The following THBS2 variants were observed in gnomAD, a reference collection of about 807,000 sequenced individuals.
THBS2 encodes thrombospondin 2, also known as thrombospondin-2.
In THBS2, 47 loss-of-function variants were observed where a neutral mutation model predicts 135.2. The observed-to-expected ratio is 0.35, with a 90% confidence interval of 0.28 to 0.44. THBS2 has a LOEUF of 0.44. Among genes scored for constraint, THBS2 ranks in the 20% least tolerant of loss-of-function variants. The probability of loss-of-function intolerance (pLI) is 1.00; values close to 1 mark genes in which losing one functional copy is unlikely to be tolerated. For missense variants in THBS2, 1,288 were observed against 1,603.1 expected (o/e 0.80, Z 3.36); for synonymous variants, 639 against 633.8 (o/e 1.01, Z -0.12).
chr6:169,245,598 T>C (rs144190188), intron 4 of THBS2, among the ~76,000 whole-genome samples: 4,579 of 152,036 alleles, frequency 0.03, 78 homozygotes, highest in South Asian at 0.046. Flanking sequence ...CGAGACCATC[T>C]TGGCTAACAC....
At position 169,225,215 on chromosome 6, in the gene THBS2, G is replaced by C; in HGVS notation, c.2703C>G (p.Asp901Glu). Residue 901 changes from aspartate to glutamate, a missense_variant, in exon 17 of 22, where the codon GAC becomes GAG. Asp to Glu is a conservative substitution (Grantham distance 45). Transcript: ENST00000617924. ...CCCTGTCATCGGGGACGCCATCGTT[G>C]TCATCATCAGGGTCACAGGCGTCGC... ...GQGDACDPDD[D>E]NDGVPDDRDN... 6.2e-7 allele frequency: 1 copy of C among 1,614,194 alleles called. No individual in the cohort carries two copies. The highest frequency in any genetic ancestry group is 8.5e-7 in the Non-Finnish European group (1 of 1,180,026).
intron 20 of THBS2, among the ~76,000 whole-genome samples, chr6:169,220,879 A>T (rs964757285): frequency 6.6e-6 from 1 of 152,116 alleles, no homozygotes; most frequent in East Asian, 1.9e-4. Flanking sequence ...ATTGCCAGGG[A>T]CTCACACACT....
chr6:169,250,464 C>T (rs1482198189), intron 2 of THBS2, among the ~76,000 whole-genome samples: 1 of 152,178 alleles, frequency 6.6e-6, no homozygotes, highest in African/African-American at 2.4e-5. Context: ...CAAATACTTG[C>T]AGTGTTGTGA....
intron 3 of THBS2, among the ~76,000 whole-genome samples, chr6:169,247,478 CAT>C (rs1780590410): frequency 6.6e-6 from 1 of 151,784 alleles, no homozygotes; most frequent in South Asian, 2.1e-4. Context: ...TGTGTGTGTA[CAT>C]GTGTGGTTCT....
At position 169,237,610 on chromosome 6, in the gene THBS2, C is replaced by T; in HGVS notation, c.1300+15G>A. 6.2e-7 allele frequency: 1 copy of T among 1,611,500 alleles called. No homozygotes were observed. The highest frequency in any genetic ancestry group is 1.3e-5 in the African/African-American group (1 of 75,036). ...ACCCCCACAGGCACGCGGGTGTCAC[C>T]TGCCCGACACTCACTGCGGGTGTCA... On this transcript the variant is annotated intron_variant, in intron 8 of 21. Transcript: ENST00000617924.
intron 3 of THBS2, among the ~76,000 whole-genome samples, chr6:169,247,671 G>A (rs947737633): frequency 6.6e-6 from 1 of 151,994 alleles, no homozygotes; most frequent in Non-Finnish European, 1.5e-5. Flanking sequence ...TGGGTGGTGT[G>A]TGCACACCTG....
At chr6:169,222,491 TC>T in intron 18 of THBS2, 23 bp from the exon 19 acceptor site, 1 of 1,603,366 alleles carries the variant, frequency 6.2e-7, no homozygotes, top group Non-Finnish European at 8.5e-7. Flanking sequence ...CCATAAGGTT[TC>T]GTTAGAAACA....
chr6:169,222,639 G>A (rs7341189), intron 18 of THBS2, among the ~76,000 whole-genome samples, 171 bp from the exon 19 acceptor site: 94,184 of 151,656 alleles, frequency 0.62, 30,050 homozygotes, highest in African/African-American at 0.75. Flanking sequence ...TACTAAAAAT[G>A]CAAAAATTAG....
At chr6:169,249,098 C>T (rs1382614549) in intron 2 of THBS2, 125 bp from the exon 3 acceptor site, 3 of 906,160 alleles carry the variant, frequency 3.3e-6, no homozygotes, top group Non-Finnish European at 4.9e-6. Flanking sequence ...TATCCCGCAG[C>T]TTCTCTCCCT....
At chr6:169,234,948 C>G (rs911317100) in intron 9 of THBS2, 41 bp from the exon 10 acceptor site, 2 of 1,569,368 alleles carry the variant, frequency 1.3e-6, no homozygotes, top group Admixed American at 1.7e-5. Flanking sequence ...GAGCAAGACC[C>G]GGGGTGGAGA....
chr6:169,226,108 C>T, intron 16 of THBS2, 72 bp downstream of exon 16: 3 of 1,476,284 alleles, frequency 2.0e-6, no homozygotes, highest in Non-Finnish European at 2.8e-6. Flanking sequence ...CACAGTGATC[C>T]CCCACACCGC....
At chr6:169,242,635 C>CTTCCCATCT (rs1562363081) in intron 4 of THBS2, among the ~76,000 whole-genome samples, 86 of 23,412 alleles carry the variant, frequency 3.7e-3, no homozygotes, top group Admixed American at 8.9e-3. Flanking sequence ...CTTCCCACCA[C>CTTCCCATCT]TCCCACCTTC....
At chr6:169,245,074 C>T (rs979050809) in intron 4 of THBS2, among the ~76,000 whole-genome samples, 7 of 152,200 alleles carry the variant, frequency 4.6e-5, no homozygotes, top group African/African-American at 1.2e-4. Context: ...TAACAGTTTA[C>T]GCTTGTCATA....
intron 3 of THBS2, among the ~76,000 whole-genome samples, chr6:169,246,945 T>C (rs1780572870): frequency 6.6e-6 from 1 of 152,228 alleles, no homozygotes; most frequent in African/African-American, 2.4e-5. Flanking sequence ...AAGATTCATT[T>C]CCAAACATAT....
intron 9 of THBS2, among the ~76,000 whole-genome samples, chr6:169,235,662 C>T (rs1780006719): frequency 6.6e-6 from 1 of 151,782 alleles, no homozygotes; most frequent in Admixed American, 6.6e-5. Context: ...CTACTCAGTC[C>T]AAACTCACTC....
At chr6:169,232,299 C>T (rs1779867757) in intron 12 of THBS2, 101 bp from the exon 13 acceptor site, 1 of 1,272,006 alleles carries the variant, frequency 7.9e-7, no homozygotes, top group South Asian at 1.3e-5. Flanking sequence ...AGGTCCGGTC[C>T]CAAGCGGACC....
At chr6:169,221,957 T>TA (rs1273874679) in intron 19 of THBS2, among the ~76,000 whole-genome samples, 34 of 152,282 alleles carry the variant, frequency 2.2e-4, no homozygotes, top group African/African-American at 7.9e-4. Flanking sequence ...CAGAAGAGGG[T>TA]AAAAGAGGTT....
At chr6:169,227,810 G>A (rs780718730) in intron 15 of THBS2, among the ~76,000 whole-genome samples, 8 of 152,146 alleles carry the variant, frequency 5.3e-5, no homozygotes, top group African/African-American at 7.2e-5. Context: ...GGCCGGGCGC[G>A]GTGGCTCACG....
rs1200808246 is a variant in THBS2 at position 169,252,417 on chromosome 6, G to T, written c.-23+1307C>A. Reference sequence around the variant, plus strand: ...GCCGGGTACGTCGCAGTCCCCTAAGGACAGCTGTGTGGGGCTGGCCCTGCA... The same window carrying T: ...GCCGGGTACGTCGCAGTCCCCTAAGTACAGCTGTGTGGGGCTGGCCCTGCA... On this transcript the variant is annotated intron_variant, in intron 1 of 21. Coordinates refer to ENST00000617924, the MANE Select transcript of THBS2 (RefSeq NM_003247.5). The surrounding 1 kb of genome is among the most constrained non-coding windows in gnomAD (Gnocchi z 4.3). Among the ~76,000 whole-genome samples the T allele has an allele frequency of 1.3e-5, 2 of 152,188 alleles. No individual in the cohort carries two copies. The highest frequency in any genetic ancestry group is 4.8e-5 in the African/African-American group (2 of 41,448).
Sources: gnomAD v4.1 joint callset for allele counts (sites outside exome capture counted in the v4.1 genomes callset) on GRCh38, gnomAD v4.1.1 for gene constraint, Gnocchi (gnomAD v3.1) non-coding constraint, MANE v1.5 for transcripts, NCBI Gene and HGNC (gene_info 2026-07-23, HGNC 2026-07-21) for gene names.